Variants in OR1M1 observed in about 807,000 individuals in gnomAD.
OR1M1 encodes olfactory receptor 1M1.
For missense variants in OR1M1, 397 were observed against 401.8 expected (o/e 0.99, Z 0.10); for synonymous variants, 157 against 165.5 (o/e 0.95, Z 0.39).
intron 1 of OR1M1, among the ~76,000 whole-genome samples, chr19:9,090,492 C>T (rs1568296377): frequency 6.6e-6 from 1 of 152,162 alleles, no homozygotes. Context: ...TGGAGTTTCG[C>T]TCTTGCTGCC....
At chr19:9,092,033 C>T (rs1006747736) in intron 1 of OR1M1, among the ~76,000 whole-genome samples, 7 of 146,828 alleles carry the variant, frequency 4.8e-5, no homozygotes, top group African/African-American at 1.0e-4. Flanking sequence ...CTCAGCCTCC[C>T]GAGTACTTGG....
intron 1 of OR1M1, among the ~76,000 whole-genome samples, chr19:9,090,901 T>G (rs908834930): frequency 6.6e-6 from 1 of 151,118 alleles, no homozygotes; most frequent in African/African-American, 2.4e-5. Flanking sequence ...GCGCGGTGGC[T>G]CATGCCTGTA....
Position 9,093,907 on chromosome 19 carries a change from C to A in OR1M1, c.663C>A (p.Ile221=), listed in dbSNP as rs201586612. Residue 221 remains isoleucine, a synonymous_variant, in exon 2 of 2, where the codon ATC becomes ATA. Transcript: ENST00000641627. The part of the protein sequence containing the change: ...FVCILASYAR[I]LVAIMKVPSA... Reference sequence around the variant, plus strand: ...GCATCCTGGCCTCCTATGCTCGCATCCTTGTGGCCATCATGAAGGTCCCCT... The same window carrying A: ...GCATCCTGGCCTCCTATGCTCGCATACTTGTGGCCATCATGAAGGTCCCCT... 58 of 1,614,178 alleles carry A rather than the reference C, an allele frequency of 3.6e-5. No individual in the cohort carries two copies. In the African/African-American group the frequency reaches 6.7e-4, roughly 19 times the overall value.
chr19:9,089,108 T>A (rs999595807), intron 1 of OR1M1, among the ~76,000 whole-genome samples: 1 of 152,186 alleles, frequency 6.6e-6, no homozygotes, highest in African/African-American at 2.4e-5. Flanking sequence ...ACTGTATTCA[T>A]CCTACAGGGA....
Position 9,094,333 on chromosome 19 carries a change from C to T in OR1M1, c.*147C>T, listed in dbSNP as rs1440757552. On this transcript the variant is annotated 3_prime_UTR_variant, in exon 2 of 2. Coordinates refer to ENST00000641627, the MANE Select transcript of OR1M1 (RefSeq NM_001004456.2). ...TAGAGATGGGGTCTCACTATGTTGC[C>T]CGTGCTGGAGTGCAGTGGCGTGATC... 2 of 585,060 alleles carry T rather than the reference C, an allele frequency of 3.4e-6. No homozygotes were observed. Among genetic ancestry groups the T allele is most frequent in the Non-Finnish European group, 6.0e-6 (2 of 333,776 alleles). 36.2% of individuals were successfully genotyped at this position (585,060 alleles called of 1,614,324 possible).
intron 1 of OR1M1, among the ~76,000 whole-genome samples, chr19:9,091,024 A>G (rs868248949): frequency 3.0e-4 from 46 of 151,970 alleles, no homozygotes; most frequent in Middle Eastern, 3.4e-3. Context: ...AAAATTAGCC[A>G]GGCGTGGTGG....
chr19:9,094,512 A>G lies in OR1M1; in HGVS notation c.*326A>G, dbSNP rs760966737. 1.4e-5 allele frequency: 3 copies of G among 208,076 alleles called. No individual in the cohort carries two copies. The highest frequency in any genetic ancestry group is 2.3e-5 in the African/African-American group (1 of 42,954). 12.9% of individuals were successfully genotyped at this position (208,076 alleles called of 1,614,324 possible). A position where few individuals can be genotyped will look rare whatever the true frequency, so the allele number is the denominator to read the frequency against. ...CATCCTAGGATTACAGGTGTGAGCT[A>G]CCACGCCGAGCCTCACTTTGAATTT... On this transcript the variant is annotated 3_prime_UTR_variant, in exon 2 of 2. Transcript: ENST00000641627.
At position 9,093,724 on chromosome 19, in the gene OR1M1, C is replaced by T; in HGVS notation, c.480C>T (p.Ile160=). ...CCTGCTTCATCTCACTCACTCACATCCTCCTGATGGCCCGTCTCGTTTTCT... is the reference window on the plus strand; with the variant it reads ...CCTGCTTCATCTCACTCACTCACATTCTCCTGATGGCCCGTCTCGTTTTCT... ...AFSCFISLTH[I]LLMARLVFCG... Residue 160 remains isoleucine (I), a synonymous_variant, in exon 2 of 2, where the codon ATC becomes ATT. Coordinates refer to ENST00000641627, the MANE Select transcript of OR1M1 (RefSeq NM_001004456.2). 6.2e-7 allele frequency: 1 copy of T among 1,614,062 alleles called. No individual in the cohort carries two copies.
In OR1M1 at chr19:9,094,094, A is replaced by C. The variant is rs1397755920; in HGVS notation, c.850A>C (p.Met284Leu). Residue 284 changes from methionine (M) to leucine (L), a missense_variant, in exon 2 of 2, where the codon ATG becomes CTG. Physicochemically the swap from Met to Leu is conservative, Grantham distance 15 (BLOSUM62 2). Transcript: ENST00000641627. ...GGTGATGTACACAGCAGTCACCCCC[A>C]TGCTGAATCCCTTCATCTACAGCTT... ...SAVMYTAVTP[M>L]LNPFIYSLRN... 3.1e-6 allele frequency: 5 copies of C among 1,613,690 alleles called. No homozygotes were observed. The highest frequency in any genetic ancestry group is 2.5e-6 in the Non-Finnish European group (3 of 1,179,948).
rs1258186310 is a variant in OR1M1, at chr19:9,093,035, CTCTA to C, written c.-13-195_-13-192del. On this transcript the variant is annotated intron_variant, in intron 1 of 1. Transcript: ENST00000641627. ...TTACATATATTCTCTCTCTCTCTCT[CTCTA>C]TATATATATATATACACACACACAT... 9.1e-3 allele frequency: 2,643 copies of C among 289,684 alleles called. 1 individual carries two copies. Among genetic ancestry groups the C allele is most frequent in the Middle Eastern group, 0.013 (14 of 1,056 alleles). 17.9% of individuals were successfully genotyped at this position (289,684 alleles called of 1,614,324 possible). A position where few individuals can be genotyped will look rare whatever the true frequency, so the allele number is the denominator to read the frequency against.
chr19:9,095,309 G>A lies in OR1M1; in HGVS notation c.*1123G>A, dbSNP rs2050320926. 1 of 152,226 alleles carries A rather than the reference G, an allele frequency of 6.6e-6. No individual in the cohort carries two copies. The allele number at this position is 152,226 out of a possible 1,614,324, so 9.4% of individuals were successfully genotyped here. A position where few individuals can be genotyped will look rare whatever the true frequency, so the allele number is the denominator to read the frequency against. Reference sequence around the variant, plus strand: ...GAATAACACAGTGACTGTGAGGGGAGGAGTCTTAGGAAGATGTCAACACGT... The same window carrying A: ...GAATAACACAGTGACTGTGAGGGGAAGAGTCTTAGGAAGATGTCAACACGT... On this transcript the variant is annotated 3_prime_UTR_variant, in exon 2 of 2. Transcript: ENST00000641627.
chr19:9,093,844 C>T lies in OR1M1; in HGVS notation c.600C>T (p.Leu200=), dbSNP rs1427443127. ...TDTSVNRIFI[L]IVAGMVIATP... is the part of the protein sequence containing the mutation. ...CCTCTGTGAATAGGATCTTCATCCTCATTGTGGCAGGGATGGTGATAGCCA... is the reference window on the plus strand; with the variant it reads ...CCTCTGTGAATAGGATCTTCATCCTTATTGTGGCAGGGATGGTGATAGCCA... Residue 200 remains leucine, a synonymous_variant, in exon 2 of 2, where the codon CTC becomes CTT. Coordinates refer to ENST00000641627, the MANE Select transcript of OR1M1 (RefSeq NM_001004456.2). The T allele has an allele frequency of 1.2e-6, 2 of 1,614,016 alleles. No individual in the cohort carries two copies. Among genetic ancestry groups the T allele is most frequent in the African/African-American group, 2.7e-5 (2 of 74,936 alleles).
chr19:9,094,276 G>C lies in OR1M1; in HGVS notation c.*90G>C. The C allele has an allele frequency of 2.9e-6, 2 of 689,892 alleles. No homozygotes were observed. Among genetic ancestry groups the C allele is most frequent in the Non-Finnish European group, 4.7e-6 (2 of 421,238 alleles). 42.7% of individuals were successfully genotyped at this position (689,892 alleles called of 1,614,324 possible). On this transcript the variant is annotated 3_prime_UTR_variant, in exon 2 of 2. Transcript: ENST00000641627. ...TGGAATTGCATGAGTTGAAGAGTAG[G>C]CACTTTGAATTTTATTATTATTATT...
At position 9,089,054 on chromosome 19, in the gene OR1M1, A is replaced by G. The variant is rs554319268; in HGVS notation, c.-14+1897A>G. On this transcript the variant is annotated intron_variant, in intron 1 of 1. Transcript: ENST00000641627. ...CATTTCTCTGTGTTGGGAACACTCA[A>G]TATCCTCCTTCTAGCTGTTTAGCTA... Among the ~76,000 whole-genome samples, 5 of 152,272 alleles carry G rather than the reference A, an allele frequency of 3.3e-5. No individual in the cohort carries two copies. In the South Asian group the frequency reaches 1.0e-3, roughly 32 times the overall value.
In OR1M1 at chr19:9,093,745, T is replaced by C; in HGVS notation, c.501T>C (p.Val167=). 2.5e-6 allele frequency: 4 copies of C among 1,614,014 alleles called. No individual in the cohort carries two copies. The highest frequency in any genetic ancestry group is 3.4e-6 in the Non-Finnish European group (4 of 1,180,044). The change falls in exon 2 of 2, where the codon GTT becomes GTC. Residue 167 remains valine, a synonymous_variant. Transcript: ENST00000641627. ...LTHILLMARL[V]FCGSHEVPHY... Reference sequence around the variant, plus strand: ...ACATCCTCCTGATGGCCCGTCTCGTTTTCTGCGGCAGCCATGAGGTGCCTC... The same window carrying C: ...ACATCCTCCTGATGGCCCGTCTCGTCTTCTGCGGCAGCCATGAGGTGCCTC...
At chr19:9,091,099 G>A (rs554712692) in intron 1 of OR1M1, among the ~76,000 whole-genome samples, 7 of 151,930 alleles carry the variant, frequency 4.6e-5, no homozygotes, top group East Asian at 2.0e-4. Context: ...CCTGGGAGGC[G>A]GAGCTTGCAG....
intron 1 of OR1M1, among the ~76,000 whole-genome samples, chr19:9,091,973 G>T (rs1328084308): frequency 6.7e-6 from 1 of 150,104 alleles, no homozygotes. Context: ...ACCGTGGTGT[G>T]ATCTTGGCTC....
rs1004312772 is a variant in OR1M1 at position 9,089,901 on chromosome 19, A to G, written c.-14+2744A>G. Among the ~76,000 whole-genome samples, 3 of 152,296 alleles carry G rather than the reference A, an allele frequency of 2.0e-5. No individual in the cohort carries two copies. In the East Asian group the frequency reaches 5.8e-4, roughly 29 times the overall value. On this transcript the variant is annotated intron_variant, in intron 1 of 1. Transcript: ENST00000641627. ...CACTAAACTGTGAATTCATGAATCC[A>G]TGCGTGCTTCATGAATTACAGAGAT...
At chr19:9,091,023 C>G (rs761106965) in intron 1 of OR1M1, among the ~76,000 whole-genome samples, 29 of 151,776 alleles carry the variant, frequency 1.9e-4, no homozygotes, top group Non-Finnish European at 4.0e-4. Context: ...AAAAATTAGC[C>G]AGGCGTGGTG....
Sources: allele counts gnomAD v4.1 joint callset (sites outside exome capture counted in the v4.1 genomes callset), GRCh38; gene constraint gnomAD v4.1.1; transcripts MANE v1.5; gene names NCBI Gene and HGNC (gene_info 2026-07-23, HGNC 2026-07-21).